Variants in NRXN1 observed in about 807,000 individuals in gnomAD.
NRXN1 encodes neurexin 1.
NRXN1 carries 39 observed loss-of-function variants against 150.9 expected under a neutral mutation model. The observed-to-expected ratio is 0.26, with a 90% CI of 0.20 to 0.34. The LOEUF (loss-of-function observed/expected upper bound fraction) is 0.34. Ranked by LOEUF, NRXN1 falls within the 10% of genes least tolerant of loss-of-function variation. The pLI is 1.00. For missense variants in NRXN1, 1,815 were observed against 1,949.9 expected (o/e 0.93, Z 1.30); for synonymous variants, 924 against 757.0 (o/e 1.22, Z -3.62).
intron 5 of NRXN1, among the ~76,000 whole-genome samples, chr2:50,829,265 G>C (rs1000106032): frequency 8.8e-6 from 1 of 113,062 alleles, no homozygotes; most frequent in Non-Finnish European, 2.1e-5. Context: ...ACCGTGGGGA[G>C]AGGGAGAGGG....
chr2:50,799,071 T>C (rs1707233851), intron 5 of NRXN1, among the ~76,000 whole-genome samples: 1 of 152,232 alleles, frequency 6.6e-6, no homozygotes, highest in Non-Finnish European at 1.5e-5. Context: ...AAGCTGTCTA[T>C]CTATATGTGT....
At chr2:50,992,427 C>T (rs985790311) in intron 2 of NRXN1, among the ~76,000 whole-genome samples, 3 of 151,844 alleles carry the variant, frequency 2.0e-5, no homozygotes, top group African/African-American at 7.2e-5. Context: ...AGGCTAACAC[C>T]CTCATCATTA....
chr2:50,354,586 T>TATATATATATACAC (rs1273118975), intron 17 of NRXN1, among the ~76,000 whole-genome samples: 30 of 124,822 alleles, frequency 2.4e-4, no homozygotes, highest in African/African-American at 5.8e-4. Context: ...TATATATATA[T>TATATATATATACAC]ACACACACAC....
At chr2:50,294,167 G>A (rs564142578) in intron 17 of NRXN1, among the ~76,000 whole-genome samples, 179 of 152,244 alleles carry the variant, frequency 1.2e-3, no homozygotes, top group African/African-American at 3.6e-3. Flanking sequence ...TCTACTGGAT[G>A]TGTCAATTTA....
chr2:50,445,392 A>C (rs1316108087), intron 17 of NRXN1, among the ~76,000 whole-genome samples: 1 of 152,344 alleles, frequency 6.6e-6, no homozygotes, highest in African/African-American at 2.4e-5. Context: ...TTATCCACAT[A>C]ACTCTTGGAT....
chr2:50,297,677 A>T (rs977336369), intron 17 of NRXN1, among the ~76,000 whole-genome samples: 1 of 152,192 alleles, frequency 6.6e-6, no homozygotes, highest in Non-Finnish European at 1.5e-5. Context: ...AATTTAATCA[A>T]GACAAAGTTC....
At chr2:50,569,153 G>A (rs1670289412) in intron 8 of NRXN1, among the ~76,000 whole-genome samples, 2 of 152,008 alleles carry the variant, frequency 1.3e-5, no homozygotes, top group Non-Finnish European at 2.9e-5. Flanking sequence ...GGGTAGTGGG[G>A]GTTGGGAGAA....
intron 17 of NRXN1, among the ~76,000 whole-genome samples, chr2:50,354,199 G>A (rs748952339): frequency 6.6e-6 from 1 of 151,946 alleles, no homozygotes; most frequent in Non-Finnish European, 1.5e-5. Flanking sequence ...AAACCTATTT[G>A]TTCTCATCTC....
chr2:50,677,483 G>T (rs1689718316), intron 5 of NRXN1, among the ~76,000 whole-genome samples: 1 of 152,070 alleles, frequency 6.6e-6, no homozygotes, highest in South Asian at 2.1e-4. Flanking sequence ...ATTTTTGTTA[G>T]CACTCAGTTT....
chr2:50,355,395 G>A (rs2078724039), intron 17 of NRXN1, among the ~76,000 whole-genome samples: 1 of 151,586 alleles, frequency 6.6e-6, no homozygotes, highest in South Asian at 2.1e-4. Flanking sequence ...CTTTTTACCA[G>A]GTAAAATTAA....
chr2:50,920,012 A>G, intron 5 of NRXN1: 1 of 397,966 alleles, frequency 2.5e-6, no homozygotes, highest in South Asian at 1.9e-5. Flanking sequence ...TTAATCTGCA[A>G]TTAGAGAAGA....
intron 12 of NRXN1, among the ~76,000 whole-genome samples, chr2:50,525,821 T>C (rs1387899109): frequency 6.6e-6 from 1 of 152,126 alleles, no homozygotes; most frequent in Non-Finnish European, 1.5e-5. Context: ...GGGGGGGAAA[T>C]GGTAGCAATA....
Position 50,531,293 on chromosome 2 carries a change from T to C in NRXN1, c.2281A>G (p.Arg761Gly). ...AGGCGGAGGGTGTCAGCAGAGTCTC[T>C]AGAAGTGGTTGCCATCAGAATGCCA... ...AYGILMATTS[R>G]DSADTLRLEL... Residue 761 changes from arginine to glycine, a missense_variant, in exon 11 of 23, where the codon AGA becomes GGA. Physicochemically the swap from Arg to Gly is moderately radical, Grantham distance 125 (BLOSUM62 -2). Transcript: ENST00000401669. The C allele has an allele frequency of 6.2e-7, 1 of 1,613,506 alleles. No individual in the cohort carries two copies. Among genetic ancestry groups the C allele is most frequent in the East Asian group, 2.2e-5 (1 of 44,848 alleles).
intron 18 of NRXN1, among the ~76,000 whole-genome samples, chr2:50,138,488 T>G (rs2152756311): frequency 6.6e-6 from 1 of 152,314 alleles, no homozygotes; most frequent in Non-Finnish European, 1.5e-5. Flanking sequence ...ACACTAATTC[T>G]TAAATGCTAT....
intron 18 of NRXN1, among the ~76,000 whole-genome samples, chr2:50,111,555 C>G (rs1702378778): frequency 6.6e-6 from 1 of 151,914 alleles, no homozygotes; most frequent in South Asian, 2.1e-4. Context: ...AGGAGAATAG[C>G]TATAGCCTGT....
chr2:50,560,722 C>T (rs1363227384), intron 8 of NRXN1, among the ~76,000 whole-genome samples: 3 of 151,958 alleles, frequency 2.0e-5, no homozygotes, highest in Non-Finnish European at 4.4e-5. Flanking sequence ...ACAATTCTTA[C>T]CAGTAAGGAA....
At chr2:50,058,999 T>C (rs1214847430) in intron 19 of NRXN1, among the ~76,000 whole-genome samples, 1 of 152,168 alleles carries the variant, frequency 6.6e-6, no homozygotes, top group Non-Finnish European at 1.5e-5. Context: ...TTAGTACTGG[T>C]AAAGTGGAGT....
At chr2:50,438,331 T>A (rs1387525151) in intron 17 of NRXN1, among the ~76,000 whole-genome samples, 2 of 152,196 alleles carry the variant, frequency 1.3e-5, no homozygotes, top group Non-Finnish European at 2.9e-5. Context: ...GGGATTTATC[T>A]TACATGATTC....
intron 17 of NRXN1, among the ~76,000 whole-genome samples, chr2:50,418,896 AT>A (rs2083755463): frequency 6.6e-6 from 1 of 151,994 alleles, no homozygotes; most frequent in South Asian, 2.1e-4. Flanking sequence ...GGTTTATCAT[AT>A]TTTTATCATA....
Sources: allele counts gnomAD v4.1 joint callset (sites outside exome capture counted in the v4.1 genomes callset), GRCh38; gene constraint gnomAD v4.1.1; transcripts MANE v1.5; gene names NCBI Gene and HGNC (gene_info 2026-07-23, HGNC 2026-07-21).